TRDN: variants seen among roughly 807,000 people sequenced by gnomAD.
TRDN encodes the protein triadin, also known as triadin in skeletal muscle.
In TRDN, 161 loss-of-function variants were observed where a neutral mutation model predicts 149.7. The ratio of observed to expected loss-of-function variants is 1.08; its 90% CI spans 0.95 to 1.23. The LOEUF is 1.23. Ranked by LOEUF, TRDN falls within the 50% of genes most tolerant of loss-of-function variation. The pLI is 0.00. For missense variants in TRDN, 896 were observed against 823.5 expected (o/e 1.09, Z -1.08); for synonymous variants, 294 against 250.5 (o/e 1.17, Z -1.64).
chr6:123,357,245 C>A (rs1271884664), intron 20 of TRDN, among the ~76,000 whole-genome samples: 1 of 151,784 alleles, frequency 6.6e-6, no homozygotes, highest in Admixed American at 6.6e-5. Context: ...TTAATATAGA[C>A]TTGTTTTGTA....
intron 1 of TRDN, among the ~76,000 whole-genome samples, chr6:123,621,810 CA>C (rs1472788595): frequency 6.6e-6 from 1 of 152,022 alleles, no homozygotes; most frequent in Non-Finnish European, 1.5e-5. Flanking sequence ...GAGGAAAGTT[CA>C]AAGAAAGAGG....
chr6:123,472,104 C>T (rs1482981874), intron 9 of TRDN, among the ~76,000 whole-genome samples: 1 of 152,180 alleles, frequency 6.6e-6, no homozygotes, highest in African/African-American at 2.4e-5. Context: ...GGAACAGCTC[C>T]AGTCTACAGC....
At chr6:123,288,700 ATGAG>A (rs1004954639) in intron 24 of TRDN, among the ~76,000 whole-genome samples, 4 of 152,112 alleles carry the variant, frequency 2.6e-5, no homozygotes, top group African/African-American at 9.7e-5. Context: ...ACCTGTCTGA[ATGAG>A]TATTATCAAA....
intron 22 of TRDN, among the ~76,000 whole-genome samples, chr6:123,334,997 T>A (rs923699856): frequency 6.6e-5 from 10 of 152,022 alleles, no homozygotes; most frequent in African/African-American, 2.4e-4. Flanking sequence ...ATAAAATAAG[T>A]GAATTTTTAG....
intron 30 of TRDN, 74 bp downstream of exon 30, chr6:123,271,065 C>G (rs796448448): frequency 6.1e-5 from 34 of 561,540 alleles, no homozygotes; most frequent in East Asian, 1.6e-4. Context: ...GTGTGTGTGT[C>G]TGCATGCACA....
At chr6:123,337,218 A>G (rs749215070) in intron 22 of TRDN, among the ~76,000 whole-genome samples, 9 of 152,188 alleles carry the variant, frequency 5.9e-5, no homozygotes, top group Non-Finnish European at 1.0e-4. Flanking sequence ...TGTTGTCATC[A>G]TCATCTCCAA....
At chr6:123,288,301 C>T (rs967445934) in intron 24 of TRDN, among the ~76,000 whole-genome samples, 1 of 151,958 alleles carries the variant, frequency 6.6e-6, no homozygotes, top group South Asian at 2.1e-4. Flanking sequence ...AAAGAAAACA[C>T]CGGAAGAACT....
At chr6:123,595,893 C>T (rs771966108) in intron 1 of TRDN, among the ~76,000 whole-genome samples, 3 of 151,980 alleles carry the variant, frequency 2.0e-5, no homozygotes, top group African/African-American at 7.2e-5. Flanking sequence ...CGTCCCTATT[C>T]CCTGAGACAC....
intron 12 of TRDN, among the ~76,000 whole-genome samples, chr6:123,409,732 T>C (rs566345511): frequency 6.6e-6 from 1 of 151,306 alleles, no homozygotes; most frequent in African/African-American, 2.4e-5. Context: ...ACTCAGAGTC[T>C]AGTGAGAAAC....
chr6:123,320,647 T>G (rs932510615), intron 23 of TRDN, among the ~76,000 whole-genome samples: 1 of 152,126 alleles, frequency 6.6e-6, no homozygotes, highest in Non-Finnish European at 1.5e-5. Context: ...CTTCTATAAC[T>G]AAAGTTGCTA....
intron 2 of TRDN, among the ~76,000 whole-genome samples, chr6:123,554,570 GC>G (rs1781553895): frequency 6.6e-6 from 1 of 151,956 alleles, no homozygotes; most frequent in Non-Finnish European, 1.5e-5. Flanking sequence ...CATTTAATAT[GC>G]CCTGAGTTAC....
chr6:123,473,506 T>G (rs912510219), intron 9 of TRDN, among the ~76,000 whole-genome samples: 22 of 152,144 alleles, frequency 1.4e-4, no homozygotes, highest in African/African-American at 5.3e-4. Flanking sequence ...TGGAACCAAG[T>G]TGGAAAACAC....
intron 1 of TRDN, among the ~76,000 whole-genome samples, chr6:123,592,150 A>G (rs565149738): frequency 2.6e-5 from 4 of 152,302 alleles, no homozygotes; most frequent in South Asian, 2.1e-4. Flanking sequence ...AAGAAATGCC[A>G]CTCATTGGCA....
intron 1 of TRDN, among the ~76,000 whole-genome samples, chr6:123,614,208 G>T (rs1177802409): frequency 6.7e-6 from 1 of 148,566 alleles, no homozygotes; most frequent in African/African-American, 2.5e-5. Context: ...CATGGCTGTA[G>T]GTATGTATAA....
chr6:123,462,284 G>A (rs1776494626), intron 10 of TRDN: 1 of 152,158 alleles, frequency 6.6e-6, no homozygotes. Context: ...AGAAATCCAA[G>A]AAAGGCAAGA....
chr6:123,499,411 G>C (rs1349731103), intron 8 of TRDN, among the ~76,000 whole-genome samples: 5 of 151,634 alleles, frequency 3.3e-5, no homozygotes, highest in African/African-American at 1.2e-4. Context: ...ATTTCCCTGG[G>C]TTCCACATTG....
intron 10 of TRDN, among the ~76,000 whole-genome samples, chr6:123,448,473 T>G (rs1775538584): frequency 6.6e-6 from 1 of 152,036 alleles, no homozygotes; most frequent in Non-Finnish European, 1.5e-5. Flanking sequence ...TTTCCCCGAC[T>G]TCCCTGTCAA....
rs190564136 is a variant in TRDN at position 123,505,541 on chromosome 6, A to G, written c.611-1640T>C. On this transcript the variant is annotated intron_variant, in intron 7 of 40. Transcript: ENST00000334268. ...GTATTGGAGAATATTCTCATGGCCA[A>G]ATTCATTTGGCAACAATAAGCTAAC... Among the ~76,000 whole-genome samples, 764 of 152,244 alleles carry G rather than the reference A, an allele frequency of 5.0e-3. 9 individuals carry two copies. The highest frequency in any genetic ancestry group is 4.4e-3 in the Non-Finnish European group (299 of 68,016).
intron 24 of TRDN, among the ~76,000 whole-genome samples, chr6:123,299,949 C>T (rs1268532158): frequency 6.6e-6 from 1 of 151,994 alleles, no homozygotes; most frequent in Non-Finnish European, 1.5e-5. Flanking sequence ...AATTTCTGAA[C>T]ATTCTGTCAG....
Sources: allele counts gnomAD v4.1 joint callset (sites outside exome capture counted in the v4.1 genomes callset), GRCh38; gene constraint gnomAD v4.1.1; transcripts MANE v1.5; gene names NCBI Gene and HGNC (gene_info 2026-07-23, HGNC 2026-07-21).